The following SRGAP2B variants were observed in gnomAD, a reference collection of about 807,000 sequenced individuals.
SRGAP2B encodes the protein SLIT-ROBO Rho GTPase activating protein 2B, also known as SLIT-ROBO Rho GTPase-activating protein 2B.
A neutral mutation model predicts 22.2 loss-of-function variants in SRGAP2B; 9 were observed. The observed-to-expected ratio is 0.41, with a 90% CI of 0.24 to 0.71. The LOEUF is 0.71. SRGAP2B is among the 30% of genes least tolerant of loss of function. SRGAP2B has a pLI of 0.35. For synonymous variants in SRGAP2B, 36 were observed against 87.4 expected, an observed-to-expected ratio of 0.41 and a Z score of 3.28; for missense variants, 114 against 235.8, an observed-to-expected ratio of 0.48 and a Z score of 3.38.
exon 10 of SRGAP2B, chr1:144,892,322 GTCC>G (rs1662164882): frequency 1.3e-6 from 1 of 774,738 alleles, no homozygotes; most frequent in East Asian, 2.4e-5. Flanking sequence ...ACACATCGAA[GTCC>G]TCGACAGTCA....
rs1170283133 is a variant in SRGAP2B, at chr1:145,006,792, T to C, written c.68-11592A>G. On this transcript the variant is annotated intron_variant, in intron 2 of 9. Coordinates refer to ENST00000612199, the Ensembl canonical transcript of SRGAP2B. ...CATATCCCATTCATTAAGTGCTTAT[T>C]ATGTGCCAAGTAGGCTCCTATTGAG... Among the ~76,000 whole-genome samples, 5 of 150,814 alleles carry C rather than the reference T, an allele frequency of 3.3e-5. 1 individual carries two copies. The highest frequency in any genetic ancestry group is 9.9e-5 in the African/African-American group (4 of 40,290).
At chr1:145,044,744 G>A (rs1332836790) in intron 2 of SRGAP2B, among the ~76,000 whole-genome samples, 1 of 124,200 alleles carries the variant, frequency 8.1e-6, no homozygotes, top group Non-Finnish European at 1.6e-5. Flanking sequence ...AGCAGCTTAG[G>A]GTTTAGGCAA....
chr1:144,994,761 C>CATATAG (rs1670540223), intron 3 of SRGAP2B, among the ~76,000 whole-genome samples: 2 of 149,882 alleles, frequency 1.3e-5, no homozygotes, highest in Admixed American at 1.3e-4. Context: ...TAGTAGCATG[C>CATATAG]CTGGCAACAG....
intron 5 of SRGAP2B, among the ~76,000 whole-genome samples, chr1:144,907,218 C>T (rs1287411444): frequency 2.0e-5 from 3 of 150,162 alleles, no homozygotes; most frequent in Non-Finnish European, 4.5e-5. Context: ...TTAATATCTA[C>T]CACTTAATAA....
chr1:145,044,763 C>A (rs1649584936), intron 2 of SRGAP2B, among the ~76,000 whole-genome samples: 1 of 125,034 alleles, frequency 8.0e-6, no homozygotes, highest in South Asian at 2.9e-4. Flanking sequence ...AAGGCTTCTG[C>A]CTACAAGAGA....
intron 2 of SRGAP2B, among the ~76,000 whole-genome samples, chr1:145,002,758 A>T (rs1476244115): frequency 6.8e-6 from 1 of 145,992 alleles, no homozygotes; most frequent in African/African-American, 2.6e-5. Flanking sequence ...ATAACAATTC[A>T]TATTACATAA....
intron 4 of SRGAP2B, among the ~76,000 whole-genome samples, chr1:144,924,562 A>T (rs1570751368): frequency 6.6e-6 from 1 of 151,190 alleles, no homozygotes; most frequent in East Asian, 1.9e-4. Flanking sequence ...CCCCGTCTCT[A>T]CTAAAAATAC....
At chr1:144,932,336 C>CT (rs1164782109) in intron 4 of SRGAP2B, among the ~76,000 whole-genome samples, 1 of 150,994 alleles carries the variant, frequency 6.6e-6, no homozygotes, top group Non-Finnish European at 1.5e-5. Context: ...TCAAAACACC[C>CT]TTTGTGTCAC....
At chr1:144,965,197 G>T in intron 3 of SRGAP2B, 1 of 1,034,826 alleles carries the variant, frequency 9.7e-7, no homozygotes, top group Non-Finnish European at 1.5e-6. Context: ...CCGGTCTACA[G>T]CTCCAGCGTG....
chr1:144,970,637 T>TA (rs1553613093), intron 3 of SRGAP2B, among the ~76,000 whole-genome samples: 4 of 34,754 alleles, frequency 1.2e-4, no homozygotes, highest in Non-Finnish European at 2.0e-4. Flanking sequence ...CCCTAAAACT[T>TA]AAAGTATTAA....
intron 2 of SRGAP2B, among the ~76,000 whole-genome samples, chr1:144,998,414 G>A (rs1570966884): frequency 8.1e-6 from 1 of 122,910 alleles, no homozygotes; most frequent in Admixed American, 8.6e-5. Context: ...AAGCCCAGAG[G>A]ACAGAGACAG....
At position 144,971,394 on chromosome 1, in the gene SRGAP2B, G is replaced by C. The variant is rs587742464; in HGVS notation, c.261-15793C>G. ...GATCTGTCCACATTGGCCTCCCAAA[G>C]TGCTGGGATTACAGGTGTGAACCAC... On this transcript the variant is annotated intron_variant, in intron 3 of 9. Coordinates refer to ENST00000612199, the Ensembl canonical transcript of SRGAP2B. Among the ~76,000 whole-genome samples, 169 of 150,306 alleles carry C rather than the reference G, an allele frequency of 1.1e-3. 9 individuals carry two copies. Among genetic ancestry groups the C allele is most frequent in the African/African-American group, 4.1e-3 (166 of 40,044 alleles).
At chr1:144,950,612 T>A (rs1174047889) in intron 4 of SRGAP2B, among the ~76,000 whole-genome samples, 1 of 135,698 alleles carries the variant, frequency 7.4e-6, no homozygotes, top group East Asian at 2.1e-4. Context: ...CAATCCAATG[T>A]TGATGTTCAA....
rs1553612308 is a variant in SRGAP2B, at chr1:144,966,655, T to C, written c.261-11054A>G. ...CACACATAACAATATTAACCTTAAA[T>C]GTAAATGGGCTAAATGCTCCAATTA... is the stretch of plus-strand genomic sequence containing the variant. On this transcript the variant is annotated intron_variant, in intron 3 of 9. Transcript: ENST00000612199. Among the ~76,000 whole-genome samples the C allele has an allele frequency of 2.0e-5, 3 of 146,494 alleles. 1 individual carries two copies. Among genetic ancestry groups the C allele is most frequent in the Admixed American group, 2.0e-4 (3 of 15,074 alleles).
chr1:144,940,447 A>G (rs1483236533), intron 4 of SRGAP2B, among the ~76,000 whole-genome samples: 1 of 150,200 alleles, frequency 6.7e-6, no homozygotes, highest in Non-Finnish European at 1.5e-5. Flanking sequence ...ATTTCCAAAA[A>G]GACAACGAGA....
At chr1:144,894,057 T>C (rs1399311136) in intron 8 of SRGAP2B, among the ~76,000 whole-genome samples, 3 of 144,434 alleles carry the variant, frequency 2.1e-5, no homozygotes, top group African/African-American at 5.7e-5. Context: ...CGAGAGGGTA[T>C]GGAATCTGAA....
intron 4 of SRGAP2B, chr1:144,918,178 G>A: frequency 8.2e-6 from 1 of 122,662 alleles, no homozygotes; most frequent in Non-Finnish European, 1.6e-5. Context: ...AAGAGAATGA[G>A]TCATCTCAAC....
At chr1:145,044,951 C>T (rs1315278020) in intron 2 of SRGAP2B, among the ~76,000 whole-genome samples, 6 of 150,518 alleles carry the variant, frequency 4.0e-5, no homozygotes, top group Non-Finnish European at 7.4e-5. Flanking sequence ...TATAGAACTT[C>T]CTTTGCAGTC....
chr1:144,984,338 C>CAAA (rs1558801899), intron 3 of SRGAP2B, among the ~76,000 whole-genome samples: 1 of 107,632 alleles, frequency 9.3e-6, no homozygotes. Flanking sequence ...ACCCAAACAA[C>CAAA]AACAACAACA....
Sources: gnomAD v4.1 joint callset for allele counts (sites outside exome capture counted in the v4.1 genomes callset) on GRCh38, gnomAD v4.1.1 for gene constraint, MANE v1.5 for transcripts, NCBI Gene and HGNC (gene_info 2026-07-23, HGNC 2026-07-21) for gene names.